TFIP11: variants seen among roughly 807,000 people sequenced by gnomAD.
The protein encoded by TFIP11 is tuftelin interacting protein 11.
TFIP11 carries 86 observed loss-of-function variants against 96.8 expected under a neutral mutation model. The observed-to-expected ratio is 0.89, with a 90% CI of 0.75 to 1.06. TFIP11 has a LOEUF of 1.06. TFIP11 is among the 50% of genes least tolerant of loss of function. The pLI is 0.00. For missense variants in TFIP11, 881 were observed against 1,076.7 expected (o/e 0.82, Z 2.54); for synonymous variants, 405 against 395.2 (o/e 1.02, Z -0.29).
rs1328558165 is a variant in TFIP11 at position 26,496,767 on chromosome 22, A to G, written c.1559T>C (p.Leu520Ser). The G allele has an allele frequency of 6.2e-7, 1 of 1,612,704 alleles. No homozygotes were observed. Among genetic ancestry groups the G allele is most frequent in the Admixed American group, 1.7e-5 (1 of 59,918 alleles). The change falls in exon 11 of 15, where the codon TTA (leucine) becomes TCA (serine). Residue 520 changes from leucine (L) to serine (S), a missense_variant. Transcript: ENST00000407690. Reference protein sequence around the residue: ...SWVHIIPVWILDNILDQLIFP... With the variant: ...SWVHIIPVWISDNILDQLIFP... ...GATGAGTTGGTCCAGTATGTTATCT[A>G]AGATCCACACAGGAATAATGTGCAC...
intron 12 of TFIP11, among the ~76,000 whole-genome samples, chr22:26,495,599 CAT>C (rs1216735590): frequency 1.1e-3 from 31 of 29,420 alleles, no homozygotes; most frequent in African/African-American, 1.8e-3. Flanking sequence ...TACATATATA[CAT>C]ATATATGTGT....
intron 4 of TFIP11, among the ~76,000 whole-genome samples, chr22:26,509,636 A>G (rs1923816310): frequency 6.6e-6 from 1 of 152,160 alleles, no homozygotes; most frequent in African/African-American, 2.4e-5. Flanking sequence ...TGGGTGGATC[A>G]CTTGAGGTCA....
chr22:26,509,939 T>C, intron 4 of TFIP11, 125 bp downstream of exon 4: 3 of 918,280 alleles, frequency 3.3e-6, no homozygotes, highest in Non-Finnish European at 5.1e-6. Flanking sequence ...CGAGATGATG[T>C]CACAGCTAAC....
chr22:26,505,713 TATTTATTTA>T (rs1923322471), intron 6 of TFIP11, among the ~76,000 whole-genome samples: 2 of 108,294 alleles, frequency 1.8e-5, no homozygotes, highest in Non-Finnish European at 3.7e-5. Flanking sequence ...TTTATTTATT[TATTTATTTA>T]TTTATTTATT....
chr22:26,497,718 A>T (rs1330119016), intron 10 of TFIP11, among the ~76,000 whole-genome samples: 3 of 152,146 alleles, frequency 2.0e-5, no homozygotes, highest in African/African-American at 7.2e-5. Context: ...TCTACTAAAA[A>T]TACAAAAATT....
At chr22:26,496,440 T>TTG in intron 11 of TFIP11, 124 bp from the exon 12 acceptor site, 1 of 1,324,972 alleles carries the variant, frequency 7.5e-7, no homozygotes, top group Non-Finnish European at 1.0e-6. Context: ...CCACAGTCCT[T>TTG]TGTACATTGC....
At chr22:26,507,854 G>A (rs567030242) in intron 4 of TFIP11, among the ~76,000 whole-genome samples, 14 of 152,256 alleles carry the variant, frequency 9.2e-5, no homozygotes, top group African/African-American at 1.7e-4. Flanking sequence ...CAGGTACAGC[G>A]GCTCATGCCC....
intron 6 of TFIP11, among the ~76,000 whole-genome samples, 197 bp from the exon 7 acceptor site, chr22:26,503,990 C>T (rs1229409088): frequency 6.6e-6 from 1 of 152,136 alleles, no homozygotes; most frequent in African/African-American, 2.4e-5. Flanking sequence ...TTTATGCTAC[C>T]ACAGAACAGT....
At chr22:26,494,085 G>C in intron 14 of TFIP11, 54 bp downstream of exon 14, 2 of 1,594,804 alleles carry the variant, frequency 1.3e-6, no homozygotes, top group Non-Finnish European at 1.7e-6. Flanking sequence ...TCATTTACAT[G>C]TGTAAAATCT....
At position 26,496,764 on chromosome 22, in the gene TFIP11, T is replaced by C; in HGVS notation, c.1562A>G (p.Asp521Gly). 6 of 1,612,850 alleles carry C rather than the reference T, an allele frequency of 3.7e-6. No individual in the cohort carries two copies. The highest frequency in any genetic ancestry group is 5.1e-6 in the Non-Finnish European group (6 of 1,179,594). ...GAAGATGAGTTGGTCCAGTATGTTATCTAAGATCCACACAGGAATAATGTG... is the reference window on the plus strand; with the variant it reads ...GAAGATGAGTTGGTCCAGTATGTTACCTAAGATCCACACAGGAATAATGTG... Reference protein sequence around the residue: ...WVHIIPVWILDNILDQLIFPK... With the variant: ...WVHIIPVWILGNILDQLIFPK... Residue 521 changes from aspartate to glycine, a missense_variant, in exon 11 of 15, where the codon GAT (aspartate) becomes GGT (glycine). By Grantham distance (94) the Asp-to-Gly change is moderately conservative (BLOSUM62 -1). Transcript: ENST00000407690.
At chr22:26,511,821 T>A (rs778912600) in intron 2 of TFIP11, 2 of 152,220 alleles carry the variant, frequency 1.3e-5, no homozygotes, top group Non-Finnish European at 2.9e-5. Context: ...GGTCCCAACC[T>A]CTTCCAGGAG....
rs1923167620 is a variant in TFIP11, at chr22:26,504,457, C to T, written c.521-664G>A. Among the ~76,000 whole-genome samples the T allele has an allele frequency of 4.6e-5, 7 of 152,082 alleles. No homozygotes were observed. In the South Asian group the frequency reaches 1.4e-3, roughly 32 times the overall value. Reference sequence around the variant, plus strand: ...AGATGTGGTGGCTATGCTTGTAATCCTAGCACTTTGGGAGGCCAAGGTCTT... The same window carrying T: ...AGATGTGGTGGCTATGCTTGTAATCTTAGCACTTTGGGAGGCCAAGGTCTT... On this transcript the variant is annotated intron_variant, in intron 6 of 14. Transcript: ENST00000407690.
rs781280511 is a variant in TFIP11 at position 26,494,159 on chromosome 22, C to T, written c.2138G>A (p.Arg713Gln). 15 of 1,614,140 alleles carry T rather than the reference C, an allele frequency of 9.3e-6. No individual in the cohort carries two copies. The highest frequency in any genetic ancestry group is 3.3e-5 in the Admixed American group (2 of 60,018). Residue 713 changes from arginine to glutamine, a missense_variant, in exon 14 of 15, where the codon CGG becomes CAG. Coordinates refer to ENST00000407690, the MANE Select transcript of TFIP11 (RefSeq NM_012143.4). ...CTTACCAACGTTGGAGGACACCGCC[C>T]GGTTCATGATATCAAGTGCCTCATT... ...KFNEALDIMNRAVSSNVGAYM... is the reference protein window; with the variant it reads ...KFNEALDIMNQAVSSNVGAYM...
In TFIP11 at chr22:26,494,189, T is replaced by C. The variant is rs150843922; in HGVS notation, c.2108A>G (p.Lys703Arg). 1.3e-4 allele frequency: 205 copies of C among 1,614,216 alleles called. No individual in the cohort carries two copies. The East Asian group carries it at 3.8e-3, about 30-fold the overall frequency. ...QVLAHPSVKD[K>R]FNEALDIMNR... The stretch of plus-strand genomic sequence containing the variant: ...CATGATATCAAGTGCCTCATTAAAT[T>C]TGTCCTTGACAGATGGATGTGCCAG... Residue 703 changes from lysine (K) to arginine (R), a missense_variant, in exon 14 of 15, where the codon AAA becomes AGA. Transcript: ENST00000407690.
chr22:26,505,752 G>A (rs1393779451), intron 6 of TFIP11, among the ~76,000 whole-genome samples: 2 of 88,734 alleles, frequency 2.3e-5, no homozygotes, highest in Admixed American at 2.8e-4. Flanking sequence ...ATGGAGTCTC[G>A]CTCTGTTGCC....
intron 5 of TFIP11, 89 bp downstream of exon 5, chr22:26,506,686 A>G: frequency 6.6e-7 from 1 of 1,525,612 alleles, no homozygotes; most frequent in Non-Finnish European, 9.0e-7. Flanking sequence ...AATTCATTCC[A>G]GATGAGTTTC....
At chr22:26,501,727 T>TATTAC (rs1362404464) in intron 8 of TFIP11, among the ~76,000 whole-genome samples, 173 bp downstream of exon 8, 1 of 139,480 alleles carries the variant, frequency 7.2e-6, no homozygotes, top group East Asian at 2.1e-4. Context: ...ATATTAATAC[T>TATTAC]ATGTGAGCAT....
intron 10 of TFIP11, 168 bp downstream of exon 10, chr22:26,498,701 T>G (rs562084756): frequency 4.1e-4 from 248 of 598,718 alleles, no homozygotes; most frequent in African/African-American, 3.1e-3. Flanking sequence ...TTCAAAAAAA[T>G]TAAAAAAAAA....
chr22:26,499,142 GTGGATAGACGA>G lies in TFIP11; in HGVS notation c.1280_1290del (p.Ile427ThrfsTer24), dbSNP rs1922429017. 6.3e-7 allele frequency: 1 copy of G among 1,596,614 alleles called. No homozygotes were observed. The highest frequency in any genetic ancestry group is 2.2e-5 in the East Asian group (1 of 44,608). On this transcript the variant is annotated frameshift_variant, in exon 9 of 15. Transcript: ENST00000407690. LOFTEE classifies it high-confidence loss of function. Reference sequence around the variant, plus strand: ...CACTCCTTGAAGTACTCCTTCATGAGTGGATAGACGATGGCCACAGCAAGGTCCACACGGTC... The same window carrying G: ...CACTCCTTGAAGTACTCCTTCATGAGTGGCCACAGCAAGGTCCACACGGTC...
Sources: allele counts gnomAD v4.1 joint callset (sites outside exome capture counted in the v4.1 genomes callset), GRCh38; gene constraint gnomAD v4.1.1; transcripts MANE v1.5; gene names NCBI Gene and HGNC (gene_info 2026-07-23, HGNC 2026-07-21).